The following PCNX2 variants were observed in gnomAD, a reference collection of about 807,000 sequenced individuals.
PCNX2 encodes the protein pecanex 2.
PCNX2 carries 168 observed loss-of-function variants against 223.8 expected under a neutral mutation model. The observed-to-expected ratio is 0.75, with a 90% CI of 0.66 to 0.85. The LOEUF (loss-of-function observed/expected upper bound fraction) is 0.85, where lower values mean the gene tolerates loss of function less well. Among genes scored for constraint, PCNX2 ranks in the 40% least tolerant of loss-of-function variants. The pLI is 0.00. For missense variants in PCNX2, 2,507 were observed against 2,675.5 expected (o/e 0.94, Z 1.39); for synonymous variants, 1,006 against 1,052.6 (o/e 0.96, Z 0.86).
upstream of PCNX2, among the ~76,000 whole-genome samples, chr1:233,296,985 CA>C (rs1662159845): frequency 6.6e-6 from 1 of 152,214 alleles, no homozygotes; most frequent in Non-Finnish European, 1.5e-5. Flanking sequence ...TTACATTCAT[CA>C]GTAGGAATGA....
chr1:233,153,258 G>A (rs866557882), intron 19 of PCNX2, among the ~76,000 whole-genome samples: 9 of 152,292 alleles, frequency 5.9e-5, no homozygotes, highest in African/African-American at 9.6e-5. Context: ...TCTCAGGGGC[G>A]ACTGAGGACA....
intron 17 of PCNX2, among the ~76,000 whole-genome samples, chr1:233,173,425 G>A (rs542534283): frequency 2.1e-4 from 32 of 152,192 alleles, no homozygotes; most frequent in Middle Eastern, 3.4e-3. Flanking sequence ...CTCGGCCTCC[G>A]AAAGTGCTGG....
chr1:233,213,497 G>T (rs1057265931), intron 12 of PCNX2, among the ~76,000 whole-genome samples: 1 of 152,134 alleles, frequency 6.6e-6, no homozygotes, highest in Non-Finnish European at 1.5e-5. Flanking sequence ...AACTGGGAAT[G>T]GGGTATACAG....
intron 23 of PCNX2, among the ~76,000 whole-genome samples, chr1:233,066,539 G>A (rs1183144055): frequency 1.3e-5 from 2 of 152,208 alleles, no homozygotes; most frequent in African/African-American, 4.8e-5. Flanking sequence ...CATCTGTGCT[G>A]GCATCTGGAG....
chr1:233,141,143 A>AAACTTTT (rs1677086810), intron 19 of PCNX2, among the ~76,000 whole-genome samples: 1 of 152,232 alleles, frequency 6.6e-6, no homozygotes. Flanking sequence ...AAAAAGTTCA[A>AAACTTTT]GCTGACAAAA....
chr1:233,167,460 G>A (rs1473272212), intron 17 of PCNX2, among the ~76,000 whole-genome samples: 1 of 152,124 alleles, frequency 6.6e-6, no homozygotes. Flanking sequence ...TAGCAGATAT[G>A]TAGGATAAAC....
intron 26 of PCNX2, among the ~76,000 whole-genome samples, chr1:233,020,474 C>T (rs903864870): frequency 1.3e-5 from 2 of 152,238 alleles, no homozygotes; most frequent in African/African-American, 2.4e-5. Context: ...AAGCAGGACC[C>T]CTCCTGAATA....
intron 23 of PCNX2, among the ~76,000 whole-genome samples, chr1:233,081,936 G>T (rs1673377841): frequency 6.6e-6 from 1 of 152,010 alleles, no homozygotes; most frequent in African/African-American, 2.4e-5. Context: ...CTCTTGTGAT[G>T]GTGCCTTCCT....
intron 15 of PCNX2, among the ~76,000 whole-genome samples, chr1:233,186,221 G>A (rs12081776): frequency 2.6e-5 from 4 of 151,914 alleles, no homozygotes; most frequent in Non-Finnish European, 4.4e-5. Flanking sequence ...TTTTTTTATC[G>A]CATTAAACAT....
intron 21 of PCNX2, among the ~76,000 whole-genome samples, chr1:233,105,506 C>T (rs1426374492): frequency 1.3e-5 from 2 of 151,898 alleles, no homozygotes; most frequent in African/African-American, 4.8e-5. Context: ...ATCTGATTAA[C>T]CTAAAACAGA....
chr1:233,130,504 T>A (rs1277475428), intron 21 of PCNX2, among the ~76,000 whole-genome samples: 2 of 149,432 alleles, frequency 1.3e-5, no homozygotes, highest in South Asian at 2.1e-4. Context: ...TGTGTGTGTG[T>A]GATGGAGTCT....
At chr1:233,312,684 G>T in the PCNX2 span, among the ~76,000 whole-genome samples, 1 of 152,134 alleles carries the variant, frequency 6.6e-6, no homozygotes, top group Admixed American at 6.5e-5. Context: ...TCACAATTAT[G>T]AATGATGATG....
At chr1:233,263,516 C>T (rs1052287351) in intron 1 of PCNX2, among the ~76,000 whole-genome samples, 1 of 146,060 alleles carries the variant, frequency 6.8e-6, no homozygotes, top group African/African-American at 2.6e-5. Context: ...AGTGCAGTGG[C>T]AAGATCTCGG....
At chr1:233,071,833 C>T (rs995160908) in intron 23 of PCNX2, among the ~76,000 whole-genome samples, 1 of 152,140 alleles carries the variant, frequency 6.6e-6, no homozygotes, top group South Asian at 2.1e-4. Context: ...TTAGTAATAG[C>T]CATTCTGACT....
chr1:233,104,639 T>C (rs535669261), intron 21 of PCNX2, among the ~76,000 whole-genome samples: 5 of 152,218 alleles, frequency 3.3e-5, no homozygotes, highest in Admixed American at 1.3e-4. Context: ...TATGAAATAT[T>C]TGACCGACAG....
rs775967243 is a variant in PCNX2, at chr1:233,016,953, A to G, written c.4807T>C (p.Trp1603Arg). Residue 1603 changes from tryptophan to arginine, a missense_variant, in exon 27 of 34, where the codon TGG (tryptophan) becomes CGG (arginine). Physicochemically the swap from Trp to Arg is moderately radical, Grantham distance 101 (BLOSUM62 -3). Transcript: ENST00000258229. Reference protein sequence around the residue: ...RASFCNVYLEWIQHCARKRQE... With the variant: ...RASFCNVYLERIQHCARKRQE... ...CTTTTCCGTGCACAGTGTTGAATCC[A>G]TTCTAGATAAACATTGCAGAAGCTA... 1 of 1,613,100 alleles carries G rather than the reference A, an allele frequency of 6.2e-7. No homozygotes were observed. The highest frequency in any genetic ancestry group is 8.5e-7 in the Non-Finnish European group (1 of 1,179,096).
chr1:232,987,682 C>G (rs990857612), intron 32 of PCNX2, among the ~76,000 whole-genome samples: 1 of 152,122 alleles, frequency 6.6e-6, no homozygotes, highest in Non-Finnish European at 1.5e-5. Flanking sequence ...CCAGGAGAAC[C>G]CAAGAACTGA....
At chr1:233,297,788 C>T (rs1662198714), upstream of PCNX2, among the ~76,000 whole-genome samples, 1 of 152,140 alleles carries the variant, frequency 6.6e-6, no homozygotes. Flanking sequence ...AAGGCTGAAG[C>T]ATGCATGTGA....
chr1:233,096,426 C>T (rs2102949602), intron 21 of PCNX2, among the ~76,000 whole-genome samples: 1 of 152,334 alleles, frequency 6.6e-6, no homozygotes, highest in Admixed American at 6.5e-5. Context: ...AGAGACCTCA[C>T]ATACGGTGAA....
Sources: allele counts gnomAD v4.1 joint callset (sites outside exome capture counted in the v4.1 genomes callset), GRCh38; gene constraint gnomAD v4.1.1; transcripts MANE v1.5; gene names NCBI Gene and HGNC (gene_info 2026-07-23, HGNC 2026-07-21).